The following CERS3 variants were observed in gnomAD, a reference collection of about 807,000 sequenced individuals.
CERS3 encodes the protein ceramide synthase 3.
Under a neutral mutation model 50.3 loss-of-function variants are expected in CERS3, and 33 were observed. That is an observed-to-expected ratio of 0.66 (90% confidence interval 0.50 to 0.88). CERS3 has a LOEUF of 0.88. Ranked by LOEUF, CERS3 falls within the 40% of genes least tolerant of loss-of-function variation. The probability of loss-of-function intolerance (pLI) is 0.00; values close to 1 mark genes in which losing one functional copy is unlikely to be tolerated. For missense variants in CERS3, 470 were observed against 460.3 expected, an observed-to-expected ratio of 1.02 and a Z score of -0.19; for synonymous variants, 176 against 155.2, an observed-to-expected ratio of 1.13 and a Z score of -0.99.
In CERS3 at chr15:100,402,168, T is replaced by C. The variant is rs12914235; in HGVS notation, c.*545A>G. The C allele has an allele frequency of 0.56, 85,828 of 152,828 alleles. 24,383 individuals carry two copies. The highest frequency in any genetic ancestry group is 0.6 in the Non-Finnish European group (41,152 of 68,624). 9.5% of individuals were successfully genotyped at this position (152,828 alleles called of 1,614,324 possible). A position where few individuals can be genotyped will look rare whatever the true frequency, so the allele number is the denominator to read the frequency against. On this transcript the variant is annotated 3_prime_UTR_variant, in exon 12 of 12. Coordinates refer to ENST00000679737, the MANE Select transcript of CERS3 (RefSeq NM_001378789.1). ...CTGTGATCTCACTTAATCCTTGCTG[T>C]AACCCTGTGGGGTGGCAGGCAGGGA...
At chr15:100,413,762 C>G (rs1406854681) in intron 11 of CERS3, among the ~76,000 whole-genome samples, 1 of 106,570 alleles carries the variant, frequency 9.4e-6, no homozygotes, top group Non-Finnish European at 2.0e-5. Context: ...ACCAACCCCA[C>G]AGAAATACAA....
intron 11 of CERS3, among the ~76,000 whole-genome samples, chr15:100,444,485 G>A (rs895288557): frequency 1.3e-5 from 2 of 152,176 alleles, no homozygotes; most frequent in South Asian, 2.1e-4. Context: ...CTTGGTTTAT[G>A]GATGGCAGTT....
chr15:100,460,462 G>A (rs2142208969), intron 10 of CERS3, among the ~76,000 whole-genome samples: 1 of 152,288 alleles, frequency 6.6e-6, no homozygotes, highest in East Asian at 1.9e-4. Context: ...AATGATACAT[G>A]TAAAAACCTA....
chr15:100,428,780 A>G (rs749141190), intron 11 of CERS3, among the ~76,000 whole-genome samples: 12 of 152,252 alleles, frequency 7.9e-5, no homozygotes, highest in Non-Finnish European at 1.3e-4. Context: ...ATACATCGTT[A>G]CAGGTTTGAT....
intron 9 of CERS3, among the ~76,000 whole-genome samples, chr15:100,470,420 G>C (rs1159659208): frequency 1.3e-5 from 2 of 152,204 alleles, no homozygotes; most frequent in African/African-American, 4.8e-5. Flanking sequence ...TGTGGGGTTG[G>C]CAGAGGGCCC....
intron 5 of CERS3, among the ~76,000 whole-genome samples, chr15:100,482,299 G>T (rs2035328732): frequency 6.6e-6 from 1 of 152,198 alleles, no homozygotes; most frequent in Admixed American, 6.5e-5. Flanking sequence ...AATTGGTTGG[G>T]TAACAATGGT....
intron 11 of CERS3, among the ~76,000 whole-genome samples, chr15:100,444,178 G>C (rs373747320): frequency 1.3e-5 from 2 of 152,164 alleles, no homozygotes; most frequent in African/African-American, 4.8e-5. Flanking sequence ...AATACTTTTA[G>C]AAGCCCTTAA....
At chr15:100,525,843 A>C (rs1309619952) in intron 1 of CERS3, among the ~76,000 whole-genome samples, 1 of 152,254 alleles carries the variant, frequency 6.6e-6, no homozygotes, top group Non-Finnish European at 1.5e-5. Context: ...AGTAAGTCCC[A>C]CTACTTTAGA....
At chr15:100,485,310 G>C (rs895105181) in intron 4 of CERS3, among the ~76,000 whole-genome samples, 12 of 152,172 alleles carry the variant, frequency 7.9e-5, no homozygotes, top group African/African-American at 2.9e-4. Context: ...GATGATGATT[G>C]CTTCTCTTTT....
intron 11 of CERS3, among the ~76,000 whole-genome samples, chr15:100,433,832 G>A (rs558450356): frequency 1.3e-5 from 2 of 152,224 alleles, no homozygotes; most frequent in African/African-American, 4.8e-5. Context: ...TCAGGCTTTC[G>A]CCACAGCCTT....
At chr15:100,529,715 G>A (rs2036891851), upstream of CERS3, among the ~76,000 whole-genome samples, 1 of 152,070 alleles carries the variant, frequency 6.6e-6, no homozygotes, top group African/African-American at 2.4e-5. Flanking sequence ...AACAACTCTG[G>A]GCTTGGATTA....
chr15:100,417,739 C>T lies in CERS3; in HGVS notation c.1000-14874G>A, dbSNP rs575888850. On this transcript the variant is annotated intron_variant, in intron 11 of 11. Transcript: ENST00000679737. ...CAGCACGCAGCTGGAGATCTGAGAA[C>T]GGGCAGACTGCCTCCTCAAGTAGGT... Among the ~76,000 whole-genome samples the T allele has an allele frequency of 4.4e-3, 675 of 151,946 alleles. 13 individuals carry two copies. Among genetic ancestry groups the T allele is most frequent in the African/African-American group, 0.015 (602 of 41,258 alleles).
At chr15:100,441,028 G>A (rs929125738) in intron 11 of CERS3, among the ~76,000 whole-genome samples, 5 of 152,172 alleles carry the variant, frequency 3.3e-5, no homozygotes, top group African/African-American at 7.2e-5. Flanking sequence ...GTCAGACCAC[G>A]CAGGGATGCC....
At chr15:100,420,356 A>G (rs2032331775) in intron 11 of CERS3, among the ~76,000 whole-genome samples, 1 of 152,160 alleles carries the variant, frequency 6.6e-6, no homozygotes, top group Non-Finnish European at 1.5e-5. Flanking sequence ...TCCTGGACAC[A>G]TAACACTCTC....
chr15:100,481,225 A>G (rs2035289612), intron 5 of CERS3, among the ~76,000 whole-genome samples: 1 of 152,174 alleles, frequency 6.6e-6, no homozygotes, highest in African/African-American at 2.4e-5. Flanking sequence ...TGCACCTTGA[A>G]GTGCAGCTCT....
chr15:100,527,266 C>A lies in CERS3; in HGVS notation c.-92+1547G>T, dbSNP rs373818881. Among the ~76,000 whole-genome samples the A allele has an allele frequency of 2.9e-4, 44 of 152,190 alleles. No homozygotes were observed. The East Asian group carries it at 3.1e-3, about 11-fold the overall frequency. On this transcript the variant is annotated intron_variant, in intron 1 of 11. Transcript: ENST00000679737. ...GAGCCAAGATCATGCCACTGCACTG[C>A]AGCCTCAGTGACAGAGCAAGACTCC... is the stretch of plus-strand genomic sequence containing the variant.
rs908334894 is a variant in CERS3, at chr15:100,540,853, T to G, written c.-355+3798A>C. 6.6e-5 allele frequency among the ~76,000 whole-genome samples: 10 copies of G among 152,334 alleles called. No individual in the cohort carries two copies. In the East Asian group the frequency reaches 1.9e-3, roughly 29 times the overall value. ...AACACACTCTTATCTGAGGATGATA[T>G]CAAACTCTGAGCAGATTATGTCTCT... On this transcript the variant is annotated intron_variant, in intron 1 of 12. Transcript: ENST00000284382.
intron 11 of CERS3, among the ~76,000 whole-genome samples, chr15:100,453,776 G>A (rs888506228): frequency 9.9e-5 from 15 of 152,106 alleles, no homozygotes; most frequent in Non-Finnish European, 1.9e-4. Context: ...AAAAGCCTTA[G>A]ATCTGATAAA....
intron 3 of CERS3, among the ~76,000 whole-genome samples, chr15:100,499,090 A>G (rs2035919774): frequency 6.6e-6 from 1 of 152,178 alleles, no homozygotes; most frequent in East Asian, 1.9e-4. Context: ...CCCCATCATG[A>G]CCTTATGTTG....
Sources: allele counts gnomAD v4.1 joint callset (sites outside exome capture counted in the v4.1 genomes callset), GRCh38; gene constraint gnomAD v4.1.1; transcripts MANE v1.5; gene names NCBI Gene and HGNC (gene_info 2026-07-23, HGNC 2026-07-21).